PDXDC1: variants seen among roughly 807,000 people sequenced by gnomAD.
The protein encoded by PDXDC1 is pyridoxal-dependent decarboxylase domain-containing protein 1.
PDXDC1 carries 42 observed loss-of-function variants against 100.1 expected under a neutral mutation model. The ratio of observed to expected loss-of-function variants is 0.42; its 90% confidence interval spans 0.33 to 0.54. The LOEUF (loss-of-function observed/expected upper bound fraction) is 0.54, where lower values mean the gene tolerates loss of function less well. PDXDC1 is among the 20% of genes least tolerant of loss of function. The probability of loss-of-function intolerance (pLI) is 0.10; values close to 1 mark genes in which losing one functional copy is unlikely to be tolerated. For synonymous variants in PDXDC1, 260 were observed against 371.7 expected (o/e 0.70, Z 3.46); for missense variants, 636 against 979.2 (o/e 0.65, Z 4.68).
At chr16:15,078,244 G>C (rs1328032867) in intron 16 of PDXDC1, among the ~76,000 whole-genome samples, 1 of 152,164 alleles carries the variant, frequency 6.6e-6, no homozygotes, top group East Asian at 1.9e-4. Context: ...CTGAGACCTT[G>C]TTCCATCTTC....
rs1161264076 is a variant in PDXDC1 at position 14,975,081 on chromosome 16, T to C, written c.-119T>C. The C allele has an allele frequency of 2.0e-5, 29 of 1,476,778 alleles. No homozygotes were observed. The highest frequency in any genetic ancestry group is 2.5e-5 in the Non-Finnish European group (28 of 1,125,044). The allele number at this position is 1,476,778 out of a possible 1,614,324, so 91.5% of individuals were successfully genotyped here. ...CGCCGCCTGGCAGCTCCTCCTCTTCTCCGCCCCGCCGGCCGCGGGCGCGGG... is the reference window on the plus strand; with the variant it reads ...CGCCGCCTGGCAGCTCCTCCTCTTCCCCGCCCCGCCGGCCGCGGGCGCGGG... On this transcript the variant is annotated 5_prime_UTR_variant, in exon 1 of 23. Transcript: ENST00000396410.
At chr16:15,098,547 C>A (rs1334955373) in intron 16 of PDXDC1, among the ~76,000 whole-genome samples, 1 of 152,030 alleles carries the variant, frequency 6.6e-6, no homozygotes, top group African/African-American at 2.4e-5. Context: ...ATCCTCCCTA[C>A]CTTTCAGCCA....
At chr16:15,031,583 G>T in intron 16 of PDXDC1, 152 bp from the exon 17 acceptor site, 2 of 607,752 alleles carry the variant, frequency 3.3e-6, no homozygotes, top group Non-Finnish European at 5.9e-6. Flanking sequence ...TTCCATATCT[G>T]TGTTGAGGGC....
In PDXDC1 at chr16:15,033,291, G is replaced by A. The variant is rs1447912047; in HGVS notation, c.1704G>A (p.Lys568=). The A allele has an allele frequency of 2.2e-5, 35 of 1,614,064 alleles. No homozygotes were observed. The highest frequency in any genetic ancestry group is 2.8e-5 in the Non-Finnish European group (33 of 1,180,030). ...DLTFKIGPEY[K]SMKSCLYVGM... ...TTACCTTTGCAGGCCCTGAGTATAA[G>A]AGCATGAAGAGCTGCCTTTATGTCG... Residue 568 remains lysine (K), a synonymous_variant, in exon 19 of 23, where the codon AAG becomes AAA. Coordinates refer to ENST00000396410, the MANE Select transcript of PDXDC1 (RefSeq NM_015027.4).
intron 16 of PDXDC1, among the ~76,000 whole-genome samples, chr16:15,053,783 C>T (rs1597823083): frequency 1.3e-5 from 2 of 152,096 alleles, no homozygotes; most frequent in African/African-American, 2.4e-5. Context: ...TGGTGGCATG[C>T]ACCTGTAATC....
intron 16 of PDXDC1, chr16:15,121,948 C>T: frequency 3.9e-6 from 1 of 253,870 alleles, no homozygotes; most frequent in Non-Finnish European, 8.0e-6. Context: ...GGAGACTATC[C>T]TGGCGAACAT....
intron 16 of PDXDC1, chr16:15,085,684 T>C: frequency 6.2e-7 from 1 of 1,613,612 alleles, no homozygotes; most frequent in East Asian, 2.2e-5. Context: ...TCGCCTTCCT[T>C]AATGATCACT....
the PDXDC1 span, among the ~76,000 whole-genome samples, chr16:15,150,171 C>G: frequency 2.8e-4 from 42 of 151,774 alleles, no homozygotes; most frequent in African/African-American, 9.9e-4. Context: ...GGTGAAACCC[C>G]GTCTCTACTA....
At position 15,034,365 on chromosome 16, in the gene PDXDC1, G is replaced by A. The variant is rs1381904499; in HGVS notation, c.1892G>A (p.Arg631Gln). Reference sequence around the variant, plus strand: ...GAGCTGCAGAAGGCAAGTGAAGAACGGCTTCTGGAAGAGGTGAGGCCCCCG... The same window carrying A: ...GAGCTGCAGAAGGCAAGTGAAGAACAGCTTCTGGAAGAGGTGAGGCCCCCG... ...QVELQKASEERLLEEGVLRQI... is the reference protein window; with the variant it reads ...QVELQKASEEQLLEEGVLRQI... The change falls in exon 20 of 23, where the codon CGG (arginine) becomes CAG (glutamine). Residue 631 changes from arginine (R) to glutamine (Q), a missense_variant. By Grantham distance (43) the Arg-to-Gln change is conservative (BLOSUM62 1). Around this residue, in one of 4 missense-constraint regions of PDXDC1, gnomAD observed 452 missense variants for 402.9 expected, o/e 1.12. Transcript: ENST00000396410. 6 of 1,613,518 alleles carry A rather than the reference G, an allele frequency of 3.7e-6. No homozygotes were observed. Among genetic ancestry groups the A allele is most frequent in the East Asian group, 2.2e-5 (1 of 44,884 alleles).
rs550911716 is a variant in PDXDC1 at position 14,988,271 on chromosome 16, A to T, written c.22-9482A>T. 4.3e-6 allele frequency: 7 copies of T among 1,613,778 alleles called. No individual in the cohort carries two copies. The African/African-American group carries it at 9.3e-5, about 21-fold the overall frequency. On this transcript the variant is annotated intron_variant, in intron 1 of 22. Coordinates refer to ENST00000396410, the MANE Select transcript of PDXDC1 (RefSeq NM_015027.4). ...ACTGTTAGTTCACTCAGACACTGGG[A>T]TCTTCCTTACTCCTGCAGAGGGGCT... is the stretch of plus-strand genomic sequence containing the variant.
downstream of PDXDC1, among the ~76,000 whole-genome samples, chr16:15,143,894 C>T (rs1051732718): frequency 6.6e-6 from 1 of 152,224 alleles, no homozygotes; most frequent in Non-Finnish European, 1.5e-5. Flanking sequence ...TCTGCACATT[C>T]CAGACGCGTG....
At chr16:15,125,754 G>C (rs1353453345) in intron 16 of PDXDC1, 11 of 1,508,164 alleles carry the variant, frequency 7.3e-6, no homozygotes, top group Admixed American at 1.8e-5. Context: ...CCAGGCAGCT[G>C]TCGATGTCCA....
At chr16:15,072,878 C>A (rs2045296285) in intron 16 of PDXDC1, 2 of 1,507,762 alleles carry the variant, frequency 1.3e-6, no homozygotes, top group Non-Finnish European at 1.8e-6. Flanking sequence ...CTCCGTCCAC[C>A]CCAGTTTTTA....
chr16:14,982,182 C>A (rs572746969), intron 1 of PDXDC1, among the ~76,000 whole-genome samples: 1 of 152,296 alleles, frequency 6.6e-6, no homozygotes, highest in African/African-American at 2.4e-5. Context: ...ACTTGGCTAA[C>A]CCTTTTCAAC....
At chr16:15,070,772 C>T (rs954268333) in intron 16 of PDXDC1, among the ~76,000 whole-genome samples, 1 of 151,852 alleles carries the variant, frequency 6.6e-6, no homozygotes, top group Non-Finnish European at 1.5e-5. Flanking sequence ...AAGGGTTTTT[C>T]TTCAGCTTTA....
intron 8 of PDXDC1, among the ~76,000 whole-genome samples, chr16:15,014,911 G>A (rs2041664762): frequency 2.6e-5 from 4 of 152,164 alleles, no homozygotes; most frequent in Admixed American, 2.6e-4. Context: ...GAACCTGGGT[G>A]GAAACAAAAC....
Position 15,130,146 on chromosome 16 carries a change from C to A in PDXDC1, c.1400-8733C>A, listed in dbSNP as rs2047970939. 2.2e-6 allele frequency: 3 copies of A among 1,355,566 alleles called. 1 individual carries two copies. In the South Asian group the frequency reaches 3.8e-5, roughly 17 times the overall value. 84.0% of individuals were successfully genotyped at this position (1,355,566 alleles called of 1,614,324 possible). ...TGTGCCTTCTCAGGATAGAGCCGAG[C>A]CCACCCAGGCCCTCCTCGACTCTGC... On this transcript the variant is annotated intron_variant, in intron 16 of 16. Transcript: ENST00000535621.
At chr16:15,018,033 C>T (rs1434828319) in intron 11 of PDXDC1, among the ~76,000 whole-genome samples, 13 of 152,026 alleles carry the variant, frequency 8.6e-5, no homozygotes, top group African/African-American at 3.1e-4. Flanking sequence ...GGTGATCTGC[C>T]TGCCTCGGCC....
intron 16 of PDXDC1, among the ~76,000 whole-genome samples, chr16:15,111,077 G>C (rs1251347050): frequency 6.7e-6 from 1 of 148,700 alleles, no homozygotes; most frequent in Non-Finnish European, 1.5e-5. Context: ...GCAGTGAGCG[G>C]AGATCACACC....
Sources: gnomAD v4.1 joint callset for allele counts (sites outside exome capture counted in the v4.1 genomes callset) on GRCh38, gnomAD v4.1.1 for gene constraint, gnomAD v4.1.1 regional missense constraint, MANE v1.5 for transcripts, NCBI Gene and HGNC (gene_info 2026-07-23, HGNC 2026-07-21) for gene names.